SORCS3: variants seen among roughly 807,000 people sequenced by gnomAD.
SORCS3 encodes sortilin related VPS10 domain containing receptor 3, also known as VPS10 domain-containing receptor SorCS3.
A neutral mutation model predicts 146.3 loss-of-function variants in SORCS3; 57 were observed. The observed-to-expected ratio is 0.39, with a 90% CI of 0.31 to 0.49. SORCS3 has a LOEUF of 0.49. Ranked by LOEUF, SORCS3 falls within the 20% of genes least tolerant of loss-of-function variation. The pLI is 0.92. For missense variants in SORCS3, 1,341 were observed against 1,575.5 expected (o/e 0.85, Z 2.52); for synonymous variants, 653 against 618.5 (o/e 1.06, Z -0.83).
intron 11 of SORCS3, among the ~76,000 whole-genome samples, chr10:105,162,906 C>G (rs1306608118): frequency 6.6e-6 from 1 of 152,084 alleles, no homozygotes; most frequent in Admixed American, 6.6e-5. Flanking sequence ...CTGTCAAAAC[C>G]AAAGAATCCT....
At chr10:104,725,804 C>T (rs925363146) in intron 1 of SORCS3, among the ~76,000 whole-genome samples, 6 of 152,218 alleles carry the variant, frequency 3.9e-5, no homozygotes, top group African/African-American at 4.8e-5. Flanking sequence ...CCTGGTGTGT[C>T]GTTTGCTAAG....
chr10:104,670,307 A>C (rs2015836158), intron 1 of SORCS3, among the ~76,000 whole-genome samples: 1 of 152,102 alleles, frequency 6.6e-6, no homozygotes, highest in South Asian at 2.1e-4. Context: ...CTTTTCCCAT[A>C]AATTTTCTTC....
chr10:104,642,022 G>GGGGGGGGGGGGGGGGGC, intron 1 of SORCS3, 68 bp downstream of exon 1: 1 of 173,336 alleles, frequency 5.8e-6, no homozygotes. Flanking sequence ...GGGTGGGTGG[G>GGGGGGGGGGGGGGGGGC]AGCGAGGGAC....
chr10:105,018,529 A>G (rs1354072319), intron 4 of SORCS3, among the ~76,000 whole-genome samples: 1 of 152,254 alleles, frequency 6.6e-6, no homozygotes, highest in Non-Finnish European at 1.5e-5. Context: ...ATAGGGCAGG[A>G]AAACAACAAA....
At chr10:105,172,554 G>C (rs970280883) in intron 13 of SORCS3, among the ~76,000 whole-genome samples, 1 of 152,076 alleles carries the variant, frequency 6.6e-6, no homozygotes, top group African/African-American at 2.4e-5. Flanking sequence ...CTTTCTGGTA[G>C]TCGATAAATA....
chr10:104,757,874 C>T lies in SORCS3; in HGVS notation c.628-84918C>T, dbSNP rs574830890. 1.8e-4 allele frequency among the ~76,000 whole-genome samples: 25 copies of T among 138,792 alleles called. No individual in the cohort carries two copies. In the South Asian group the frequency reaches 5.5e-3, roughly 31 times the overall value. 91.1% of individuals were successfully genotyped at this position (138,792 alleles called of 152,430 possible). A position where few individuals can be genotyped will look rare whatever the true frequency, so the allele number is the denominator to read the frequency against. On this transcript the variant is annotated intron_variant, in intron 1 of 26. Transcript: ENST00000369701. ...CTGCCACCACCCCCCCCCCCACACC[C>T]GCTGCCTTGATGCTGATAGTGGCTG...
At position 105,160,138 on chromosome 10, in the gene SORCS3, G is replaced by A. The variant is rs1160530419; in HGVS notation, c.1732+1144G>A. Among the ~76,000 whole-genome samples the A allele has an allele frequency of 2.6e-5, 4 of 152,070 alleles. No homozygotes were observed. The East Asian group carries it at 7.7e-4, about 29-fold the overall frequency. ...ATGCCTCTCCTCAAGACCTACAGGA[G>A]GTCTGAACTGGAAGCTACATCAAAA... On this transcript the variant is annotated intron_variant, in intron 11 of 26. Transcript: ENST00000369701.
chr10:105,118,017 T>C (rs552571188), intron 7 of SORCS3, among the ~76,000 whole-genome samples: 2 of 152,250 alleles, frequency 1.3e-5, no homozygotes, highest in East Asian at 3.9e-4. Context: ...TCTTTAAATA[T>C]GGGTTTTTCC....
In SORCS3 at chr10:105,043,059, A is replaced by G. The variant is rs757870826; in HGVS notation, c.959A>G (p.Tyr320Cys). Residue 320 changes from tyrosine to cysteine, a missense_variant, in exon 5 of 27, where the codon TAC (tyrosine) becomes TGC (cysteine). Tyr to Cys is a radical substitution (Grantham distance 194). Coordinates refer to ENST00000369701, the MANE Select transcript of SORCS3 (RefSeq NM_014978.3). ...VLAYSLDQKL[Y>C]SSMDFGRRWQ... ...TCTCACTTCATTGTTTTGCAGCTCT[A>G]CAGCTCCATGGACTTTGGAAGACGG... is the stretch of plus-strand genomic sequence containing the variant. 1.9e-6 allele frequency: 3 copies of G among 1,613,740 alleles called. No individual in the cohort carries two copies. The highest frequency in any genetic ancestry group is 8.5e-7 in the Non-Finnish European group (1 of 1,179,722).
chr10:105,032,181 A>G (rs1172533270), intron 4 of SORCS3, among the ~76,000 whole-genome samples: 2 of 152,186 alleles, frequency 1.3e-5, no homozygotes, highest in African/African-American at 4.8e-5. Flanking sequence ...AACAAGAGTG[A>G]AACTCCATTT....
intron 4 of SORCS3, among the ~76,000 whole-genome samples, chr10:105,034,139 A>C (rs952250883): frequency 6.6e-6 from 1 of 152,130 alleles, no homozygotes; most frequent in Non-Finnish European, 1.5e-5. Flanking sequence ...GGAATAAGAG[A>C]ACGGAGAGCC....
At chr10:104,994,908 G>A (rs1405610427) in intron 4 of SORCS3, among the ~76,000 whole-genome samples, 2 of 152,204 alleles carry the variant, frequency 1.3e-5, no homozygotes, top group Admixed American at 1.3e-4. Context: ...TCATGTATAA[G>A]TGTGTTTATG....
At chr10:105,193,688 G>C (rs1430253772) in intron 14 of SORCS3, among the ~76,000 whole-genome samples, 1 of 152,200 alleles carries the variant, frequency 6.6e-6, no homozygotes, top group East Asian at 1.9e-4. Context: ...AAGTCCTTGA[G>C]AGATGAAGTG....
intron 5 of SORCS3, among the ~76,000 whole-genome samples, chr10:105,063,412 C>T (rs1361949338): frequency 4.6e-5 from 7 of 152,084 alleles, no homozygotes; most frequent in Non-Finnish European, 7.4e-5. Context: ...GACAAAGTGG[C>T]CACACTGTAT....
At chr10:104,802,461 T>G (rs1441070440) in intron 1 of SORCS3, among the ~76,000 whole-genome samples, 1 of 152,186 alleles carries the variant, frequency 6.6e-6, no homozygotes, top group Non-Finnish European at 1.5e-5. Context: ...TAGGCTATGA[T>G]TTCCCCAAAA....
intron 2 of SORCS3, among the ~76,000 whole-genome samples, chr10:104,851,764 G>A (rs775523826): frequency 6.6e-6 from 1 of 152,128 alleles, no homozygotes; most frequent in African/African-American, 2.4e-5. Flanking sequence ...TATATATAAT[G>A]ACTATAAAGA....
At chr10:104,895,049 AG>A (rs1564707946) in intron 2 of SORCS3, among the ~76,000 whole-genome samples, 1 of 152,170 alleles carries the variant, frequency 6.6e-6, no homozygotes, top group Non-Finnish European at 1.5e-5. Context: ...GTGGGGCTCC[AG>A]TGTGGTATGA....
At chr10:105,070,299 A>G (rs2055548463) in intron 5 of SORCS3, among the ~76,000 whole-genome samples, 1 of 152,194 alleles carries the variant, frequency 6.6e-6, no homozygotes, top group African/African-American at 2.4e-5. Context: ...TATCAGTCCA[A>G]GTTAATTAGT....
chr10:105,175,214 A>ATTT (rs71482448), intron 13 of SORCS3, among the ~76,000 whole-genome samples: 9 of 134,642 alleles, frequency 6.7e-5, no homozygotes, highest in African/African-American at 1.4e-4. Flanking sequence ...TGCTTGGCTA[A>ATTT]TTTTTTTTTT....
Sources: allele counts gnomAD v4.1 joint callset (sites outside exome capture counted in the v4.1 genomes callset), GRCh38; gene constraint gnomAD v4.1.1; transcripts MANE v1.5; gene names NCBI Gene and HGNC (gene_info 2026-07-23, HGNC 2026-07-21).